SORL1: variants seen among roughly 807,000 people sequenced by gnomAD.
SORL1 encodes sortilin related receptor 1, also known as sortilin-related receptor.
SORL1 carries 127 observed loss-of-function variants against 273.7 expected under a neutral mutation model. The observed-to-expected ratio is 0.46, with a 90% confidence interval of 0.40 to 0.54. The LOEUF (loss-of-function observed/expected upper bound fraction) is 0.54. Ranked by LOEUF, SORL1 falls within the 20% of genes least tolerant of loss-of-function variation. The pLI, the probability that SORL1 is intolerant of heterozygous loss-of-function variation, is 0.00. For synonymous variants in SORL1, 1,031 were observed against 1,067.4 expected (o/e 0.97, Z 0.66); for missense variants, 2,494 against 2,846.1 (o/e 0.88, Z 2.81).
chr11:121,473,162 T>C (rs1223802946), intron 2 of SORL1, among the ~76,000 whole-genome samples: 1 of 152,128 alleles, frequency 6.6e-6, no homozygotes, highest in Non-Finnish European at 1.5e-5. Context: ...GTAATAACAA[T>C]CCAAATTCTC....
chr11:121,588,209 T>G (rs1591340730), intron 28 of SORL1, 58 bp downstream of exon 28: 2 of 1,596,904 alleles, frequency 1.3e-6, no homozygotes, highest in South Asian at 2.2e-5. Context: ...TGCATGGGGG[T>G]TTGGCCACCC....
chr11:121,604,553 ATT>A (rs11288922), intron 33 of SORL1, among the ~76,000 whole-genome samples: 11 of 148,610 alleles, frequency 7.4e-5, no homozygotes, highest in East Asian at 2.0e-4. Context: ...CTAGTCTTGG[ATT>A]TTTTTTTTTT....
intron 32 of SORL1, among the ~76,000 whole-genome samples, chr11:121,600,293 T>C (rs1863369158): frequency 6.6e-6 from 1 of 152,222 alleles, no homozygotes; most frequent in African/African-American, 2.4e-5. Flanking sequence ...TTGGGTTATT[T>C]ATTTAGGTTG....
intron 5 of SORL1, among the ~76,000 whole-genome samples, chr11:121,494,673 C>T (rs1484078746): frequency 6.6e-6 from 1 of 152,128 alleles, no homozygotes; most frequent in Non-Finnish European, 1.5e-5. Context: ...GAGCAGCTTG[C>T]AGAAATGGGA....
At chr11:121,555,163 T>G (rs1471914955) in intron 17 of SORL1, 24 bp from the exon 18 acceptor site, 5 of 1,607,222 alleles carry the variant, frequency 3.1e-6, no homozygotes, top group Non-Finnish European at 4.3e-6. Flanking sequence ...TTCCTAGCAT[T>G]TATTATTACT....
chr11:121,555,100 G>T (rs1440298656), intron 17 of SORL1, 87 bp from the exon 18 acceptor site: 1 of 1,380,808 alleles, frequency 7.2e-7, no homozygotes, highest in Non-Finnish European at 9.7e-7. Flanking sequence ...CCTGCCAGTT[G>T]AATAAAGGGT....
At chr11:121,540,027 T>C (rs1369771254) in intron 12 of SORL1, among the ~76,000 whole-genome samples, 2 of 152,244 alleles carry the variant, frequency 1.3e-5, no homozygotes, top group Admixed American at 6.5e-5. Flanking sequence ...CTTATCTTGC[T>C]ACTATTCCAA....
chr11:121,557,447 C>A (rs2134907707), intron 19 of SORL1, 42 bp downstream of exon 19: 1 of 1,360,524 alleles, frequency 7.4e-7, no homozygotes, highest in Non-Finnish European at 1.1e-6. Flanking sequence ...GCGTCCAATG[C>A]TACACTAATA....
intron 1 of SORL1, among the ~76,000 whole-genome samples, chr11:121,464,066 A>G (rs1170817485): frequency 6.6e-6 from 1 of 152,198 alleles, no homozygotes; most frequent in Non-Finnish European, 1.5e-5. Flanking sequence ...TAGAATTTTA[A>G]AAACGCTTCT....
chr11:121,545,174 T>G, intron 13 of SORL1, 69 bp from the exon 14 acceptor site: 1 of 1,482,200 alleles, frequency 6.7e-7, no homozygotes. Flanking sequence ...GCCAGGCACC[T>G]TGAGGCATAG....
At chr11:121,481,400 C>T (rs540148774) in intron 3 of SORL1, among the ~76,000 whole-genome samples, 6 of 127,782 alleles carry the variant, frequency 4.7e-5, no homozygotes, top group African/African-American at 1.0e-4. Context: ...TATAGGCAGG[C>T]TCCATCTCCT....
chr11:121,573,263 A>G (rs761386166), intron 23 of SORL1, among the ~76,000 whole-genome samples: 7 of 152,300 alleles, frequency 4.6e-5, no homozygotes, highest in Middle Eastern at 3.4e-3. Context: ...CTTCATAATA[A>G]TGCTACCAAG....
At chr11:121,529,285 C>T (rs1050035798) in intron 11 of SORL1, among the ~76,000 whole-genome samples, 2 of 152,076 alleles carry the variant, frequency 1.3e-5, no homozygotes, top group Admixed American at 6.6e-5. Flanking sequence ...GGTATGATCT[C>T]GGCTCACTGA....
chr11:121,592,625 C>T (rs1017629618), intron 31 of SORL1, among the ~76,000 whole-genome samples: 1 of 152,136 alleles, frequency 6.6e-6, no homozygotes, highest in Admixed American at 6.5e-5. Context: ...ATCTTTGCTT[C>T]CATAGCCATT....
intron 6 of SORL1, among the ~76,000 whole-genome samples, chr11:121,502,050 G>A (rs567706394): frequency 3.3e-5 from 5 of 149,432 alleles, no homozygotes; most frequent in African/African-American, 7.4e-5. Flanking sequence ...TCGTGTGCAC[G>A]TTTGTGTGTG....
chr11:121,599,224 TATAA>T (rs1020714084), intron 32 of SORL1, among the ~76,000 whole-genome samples: 2 of 152,184 alleles, frequency 1.3e-5, no homozygotes, highest in African/African-American at 4.8e-5. Flanking sequence ...TATAAATCCA[TATAA>T]ATAAATAAAT....
rs192688558 is a variant in SORL1, at chr11:121,479,470, G to A, written c.528+1227G>A. 4.6e-5 allele frequency among the ~76,000 whole-genome samples: 7 copies of A among 152,324 alleles called. No homozygotes were observed. In the East Asian group the frequency reaches 1.3e-3, roughly 29 times the overall value. ...GTCCTCTTTCCAGTCCCTAGTCCTG[G>A]CTTCTCAGGTTGCTTGAGGTCTCCT... On this transcript the variant is annotated intron_variant, in intron 3 of 47. Transcript: ENST00000260197.
intron 25 of SORL1, 141 bp downstream of exon 25, chr11:121,577,541 G>T: frequency 1.1e-6 from 1 of 938,590 alleles, no homozygotes; most frequent in Non-Finnish European, 1.5e-6. Context: ...TTCTCAAAGA[G>T]CTGGTCTTTG....
chr11:121,468,668 G>T (rs1042702097), intron 1 of SORL1, among the ~76,000 whole-genome samples: 1 of 152,004 alleles, frequency 6.6e-6, no homozygotes, highest in Non-Finnish European at 1.5e-5. Context: ...TGATCTGCCC[G>T]CCTTGGCCTC....
Sources: allele counts gnomAD v4.1 joint callset (sites outside exome capture counted in the v4.1 genomes callset), GRCh38; gene constraint gnomAD v4.1.1; transcripts MANE v1.5; gene names NCBI Gene and HGNC (gene_info 2026-07-23, HGNC 2026-07-21).